The following CDYL variants were observed in gnomAD, a reference collection of about 807,000 sequenced individuals.
The protein encoded by CDYL is chromodomain Y-like protein.
Under a neutral mutation model 47.3 loss-of-function variants are expected in CDYL, and 8 were observed. The ratio of observed to expected loss-of-function variants is 0.17; its 90% CI spans 0.10 to 0.31. The LOEUF (loss-of-function observed/expected upper bound fraction) is 0.31. CDYL is among the 10% of genes least tolerant of loss of function. The probability of loss-of-function intolerance (pLI) is 1.00; values close to 1 mark genes in which losing one functional copy is unlikely to be tolerated. For synonymous variants in CDYL, 266 were observed against 265.0 expected (o/e 1.00, Z -0.04); for missense variants, 471 against 701.4 (o/e 0.67, Z 3.71).
At chr6:4,903,990 C>G (rs994615834) in intron 2 of CDYL, among the ~76,000 whole-genome samples, 1 of 152,194 alleles carries the variant, frequency 6.6e-6, no homozygotes, top group Non-Finnish European at 1.5e-5. Flanking sequence ...CCCTGACTTC[C>G]AGGAGCTCAG....
intron 2 of CDYL, among the ~76,000 whole-genome samples, chr6:4,895,041 CTA>C (rs1021134116): frequency 2.0e-5 from 3 of 148,948 alleles, no homozygotes; most frequent in Admixed American, 1.3e-4. Flanking sequence ...ATATATGTAT[CTA>C]TATACACATG....
intron 5 of CDYL, among the ~76,000 whole-genome samples, chr6:4,948,438 C>T (rs1758595868): frequency 6.6e-6 from 1 of 152,196 alleles, no homozygotes; most frequent in Admixed American, 6.5e-5. Flanking sequence ...GTGTTTCTCC[C>T]TACTCTACAA....
intron 3 of CDYL, among the ~76,000 whole-genome samples, chr6:4,748,591 G>A (rs1453474734): frequency 6.6e-6 from 1 of 151,648 alleles, no homozygotes; most frequent in Non-Finnish European, 1.5e-5. Context: ...AGGGGTAGGA[G>A]CGTGGGAGGT....
intron 3 of CDYL, among the ~76,000 whole-genome samples, chr6:4,760,775 T>C (rs1317093905): frequency 1.3e-5 from 2 of 151,282 alleles, no homozygotes; most frequent in Admixed American, 6.6e-5. Flanking sequence ...GGGCTTAATA[T>C]AGATAGAACT....
chr6:4,894,475 G>A (rs1222902710), intron 2 of CDYL, among the ~76,000 whole-genome samples: 1 of 152,156 alleles, frequency 6.6e-6, no homozygotes, highest in African/African-American at 2.4e-5. Context: ...AAAATCGGGA[G>A]GAATATTTAC....
intron 1 of CDYL, among the ~76,000 whole-genome samples, chr6:4,867,777 T>G (rs75521409): frequency 2.0e-5 from 3 of 151,406 alleles, no homozygotes; most frequent in Non-Finnish European, 4.4e-5. Context: ...GTGGGGTTTT[T>G]TTTTTTTTTT....
chr6:4,886,112 A>G (rs560532348), intron 1 of CDYL, among the ~76,000 whole-genome samples: 1 of 151,944 alleles, frequency 6.6e-6, no homozygotes, highest in South Asian at 2.1e-4. Context: ...ATTCTGTAGT[A>G]TAGATATGCC....
At chr6:4,924,361 T>A (rs1757804901) in intron 2 of CDYL, among the ~76,000 whole-genome samples, 1 of 152,220 alleles carries the variant, frequency 6.6e-6, no homozygotes, top group Non-Finnish European at 1.5e-5. Flanking sequence ...TCTCAGGTAT[T>A]TAATGTTCTC....
chr6:4,799,391 C>G (rs1759161781), intron 1 of CDYL, among the ~76,000 whole-genome samples: 1 of 151,966 alleles, frequency 6.6e-6, no homozygotes, highest in Non-Finnish European at 1.5e-5. Flanking sequence ...GTTGATGGAG[C>G]TTTTCATAAA....
At chr6:4,722,327 G>A (rs553290952) in intron 2 of CDYL, among the ~76,000 whole-genome samples, 107 of 152,196 alleles carry the variant, frequency 7.0e-4, no homozygotes, top group African/African-American at 2.2e-3. Context: ...GGGAGGCCAA[G>A]GTGGGAGGAT....
At chr6:4,713,981 A>G (rs548477007) in intron 1 of CDYL, 1 of 152,348 alleles carries the variant, frequency 6.6e-6, no homozygotes, top group South Asian at 2.1e-4. Context: ...TGTGGATAAT[A>G]ATCACAGCTA....
intron 1 of CDYL, among the ~76,000 whole-genome samples, chr6:4,789,997 G>A (rs1395241719): frequency 6.6e-6 from 1 of 152,122 alleles, no homozygotes; most frequent in East Asian, 1.9e-4. Context: ...TGGAGAATGG[G>A]TTTTCTCTCC....
chr6:4,724,279 G>T, intron 2 of CDYL: 1 of 151,972 alleles, frequency 6.6e-6, no homozygotes, highest in Non-Finnish European at 1.5e-5. Context: ...TCAAACTCCT[G>T]ACTTCATATA....
chr6:4,745,414 CT>C (rs1053865042), intron 3 of CDYL, among the ~76,000 whole-genome samples: 5 of 151,804 alleles, frequency 3.3e-5, no homozygotes, highest in Admixed American at 1.3e-4. Context: ...AGAAAACCCC[CT>C]CTTTCCCTCC....
At position 4,895,311 on chromosome 6, in the gene CDYL, A is replaced by ATATATGCATGTATGTATATATGTGCG. The variant is rs1762215351; in HGVS notation, c.691+2957_691+2958insGTATATGCATGTATGTATATATGTGC. ...TATATGCATGTATGTATATATGTGC[A>ATATATGCATGTATGTATATATGTGCG]TATATGCATGTATGTATATATGTGC... is the stretch of plus-strand genomic sequence containing the variant. On this transcript the variant is annotated intron_variant, in intron 2 of 6. Coordinates refer to ENST00000397588, the MANE Select transcript of CDYL (RefSeq NM_004824.4). Among the ~76,000 whole-genome samples the ATATATGCATGTATGTATATATGTGCG allele has an allele frequency of 1.4e-5, 2 of 145,186 alleles. 1 individual carries two copies. Among genetic ancestry groups the ATATATGCATGTATGTATATATGTGCG allele is most frequent in the African/African-American group, 5.7e-5 (2 of 35,358 alleles).
At chr6:4,830,931 G>A (rs1263153873) in intron 1 of CDYL, among the ~76,000 whole-genome samples, 10 of 151,986 alleles carry the variant, frequency 6.6e-5, no homozygotes, top group African/African-American at 2.2e-4. Flanking sequence ...AAGGACCTGA[G>A]CTCATCATTT....
chr6:4,780,706 T>C (rs1204570449), intron 1 of CDYL, among the ~76,000 whole-genome samples: 2 of 152,200 alleles, frequency 1.3e-5, no homozygotes, highest in South Asian at 4.1e-4. Flanking sequence ...AAAGCAATTC[T>C]ACAAAACGTT....
chr6:4,898,346 CA>C (rs1368571063), intron 2 of CDYL, among the ~76,000 whole-genome samples: 3 of 152,208 alleles, frequency 2.0e-5, no homozygotes, highest in African/African-American at 7.2e-5. Flanking sequence ...CAAGTTACAG[CA>C]AACAGGCAAT....
chr6:4,861,320 A>G (rs1356561415), intron 1 of CDYL, among the ~76,000 whole-genome samples: 1 of 152,198 alleles, frequency 6.6e-6, no homozygotes, highest in Non-Finnish European at 1.5e-5. Context: ...TCTCAGGGCC[A>G]GGCTGGTGGC....
Sources: allele counts gnomAD v4.1 joint callset (sites outside exome capture counted in the v4.1 genomes callset), GRCh38; gene constraint gnomAD v4.1.1; transcripts MANE v1.5; gene names NCBI Gene and HGNC (gene_info 2026-07-23, HGNC 2026-07-21).